The following ANKAR variants were observed in gnomAD, a reference collection of about 807,000 sequenced individuals.
The protein encoded by ANKAR is ankyrin and armadillo repeat-containing protein.
ANKAR carries 136 observed loss-of-function variants against 146.2 expected under a neutral mutation model. That is an observed-to-expected ratio of 0.93 (90% CI 0.81 to 1.07). ANKAR has a LOEUF of 1.07. Among genes scored for constraint, ANKAR ranks in the 50% least tolerant of loss-of-function variants. The probability of loss-of-function intolerance (pLI) is 0.00; values close to 1 mark genes in which losing one functional copy is unlikely to be tolerated. For synonymous variants in ANKAR, 500 were observed against 575.8 expected (o/e 0.87, Z 1.88); for missense variants, 1,567 against 1,679.9 (o/e 0.93, Z 1.18).
chr2:189,702,448 A>G (rs1347318086), intron 7 of ANKAR, among the ~76,000 whole-genome samples: 1 of 152,200 alleles, frequency 6.6e-6, no homozygotes, highest in Non-Finnish European at 1.5e-5. Flanking sequence ...TTCTTACTCC[A>G]GTAATGATTC....
At position 189,718,750 on chromosome 2, in the gene ANKAR, T is replaced by C. The variant is rs572961628; in HGVS notation, c.2225-822T>C. On this transcript the variant is annotated intron_variant, in intron 10 of 22. Transcript: ENST00000684021. The stretch of plus-strand genomic sequence containing the variant: ...GAAGCCAGATTTTCTATTTTCTTTT[T>C]TTTTTTTTTTGAGACGGAGTCTCGC... 5.3e-5 allele frequency among the ~76,000 whole-genome samples: 8 copies of C among 150,240 alleles called. No individual in the cohort carries two copies. In the South Asian group the frequency reaches 1.5e-3, roughly 28 times the overall value.
At chr2:189,713,316 T>A (rs1429227280) in intron 10 of ANKAR, among the ~76,000 whole-genome samples, 1 of 152,004 alleles carries the variant, frequency 6.6e-6, no homozygotes, top group Admixed American at 6.6e-5. Context: ...CACATAATTG[T>A]CAGATTCACC....
At chr2:189,697,894 G>A (rs1450194328) in intron 7 of ANKAR, among the ~76,000 whole-genome samples, 4 of 3,644 alleles carry the variant, frequency 1.1e-3, no homozygotes, top group Non-Finnish European at 0.018. Flanking sequence ...CTTTTAATGC[G>A]TTGTCAGGTT....
intron 7 of ANKAR, among the ~76,000 whole-genome samples, chr2:189,699,500 T>C (rs1449047665): frequency 3.3e-5 from 5 of 152,228 alleles, no homozygotes; most frequent in Admixed American, 2.0e-4. Flanking sequence ...TACCTTATAA[T>C]AACAACATAT....
chr2:189,714,757 T>C (rs1239463783), intron 10 of ANKAR, among the ~76,000 whole-genome samples: 1 of 151,466 alleles, frequency 6.6e-6, no homozygotes, highest in Non-Finnish European at 1.5e-5. Flanking sequence ...CAATCCTGGC[T>C]AACACAGTGA....
rs1051442846 is a variant in ANKAR at position 189,711,225 on chromosome 2, T to A, written c.2224+72T>A. On this transcript the variant is annotated intron_variant, in intron 10 of 22. Coordinates refer to ENST00000684021, the MANE Select transcript of ANKAR (RefSeq NM_001378068.1). Reference sequence around the variant, plus strand: ...CTATATTTTATTCATCAGTCATTTTTAAATATATTTTTAATTGTAAAGGAA... The same window carrying A: ...CTATATTTTATTCATCAGTCATTTTAAAATATATTTTTAATTGTAAAGGAA... The A allele has an allele frequency of 4.4e-5, 51 of 1,168,208 alleles. No individual in the cohort carries two copies. The Admixed American group carries it at 9.9e-4, about 23-fold the overall frequency. 72.4% of individuals were successfully genotyped at this position (1,168,208 alleles called of 1,614,324 possible). A position where few individuals can be genotyped will look rare whatever the true frequency, so the allele number is the denominator to read the frequency against.
chr2:189,692,893 C>T, intron 4 of ANKAR, 181 bp from the exon 5 acceptor site: 2 of 381,556 alleles, frequency 5.2e-6, no homozygotes, highest in South Asian at 6.6e-5. Context: ...TGTGTCTTTC[C>T]TTTTGTATTT....
intron 2 of ANKAR, among the ~76,000 whole-genome samples, chr2:189,681,990 C>T (rs2034767806): frequency 1.3e-5 from 2 of 152,156 alleles, no homozygotes; most frequent in South Asian, 4.1e-4. Flanking sequence ...CTGCTCTCTG[C>T]CTCAAACCTT....
chr2:189,706,711 T>C (rs1332533083), intron 8 of ANKAR, among the ~76,000 whole-genome samples: 1 of 152,124 alleles, frequency 6.6e-6, no homozygotes, highest in East Asian at 1.9e-4. Flanking sequence ...TCCAAACAAA[T>C]TATAAGGCAT....
Position 189,676,773 on chromosome 2 carries a change from T to TTAGA in ANKAR, c.284_287dup (p.Tyr97ArgfsTer3). ...GACTCCCGTGGACCCTACTGCCCTC[T>TTAGA]TAGACTATAGAGAGGTCCATCAAAT... On this transcript the variant is annotated frameshift_variant, in exon 2 of 23. Coordinates refer to ENST00000684021, the MANE Select transcript of ANKAR (RefSeq NM_001378068.1). LOFTEE classifies it high-confidence loss of function. 1.2e-6 allele frequency: 2 copies of TTAGA among 1,614,196 alleles called. No individual in the cohort carries two copies. Among genetic ancestry groups the TTAGA allele is most frequent in the Non-Finnish European group, 1.7e-6 (2 of 1,180,036 alleles).
At chr2:189,712,944 T>C (rs1372256950) in intron 10 of ANKAR, among the ~76,000 whole-genome samples, 1 of 152,142 alleles carries the variant, frequency 6.6e-6, no homozygotes, top group Non-Finnish European at 1.5e-5. Flanking sequence ...CAGATGGAGC[T>C]GAAAACCATG....
rs751279086 is a variant in ANKAR at position 189,695,162 on chromosome 2, G to T, written c.1488+1G>T. 3.8e-6 allele frequency: 6 copies of T among 1,596,216 alleles called. No individual in the cohort carries two copies. Among genetic ancestry groups the T allele is most frequent in the Non-Finnish European group, 5.1e-6 (6 of 1,172,896 alleles). ...TTTCAAAAGAGCTATGAAATGCAAG[G>T]TATTTCAGTGACTACCACATAATTT... On this transcript the variant is annotated splice_donor_variant, in intron 6 of 22. Transcript: ENST00000684021. LOFTEE classifies it high-confidence loss of function.
At chr2:189,706,585 G>T (rs2038982669) in intron 8 of ANKAR, among the ~76,000 whole-genome samples, 1 of 152,208 alleles carries the variant, frequency 6.6e-6, no homozygotes, top group Non-Finnish European at 1.5e-5. Context: ...CTGAGCCTCA[G>T]TTACATGATT....
downstream of ANKAR, among the ~76,000 whole-genome samples, chr2:189,748,631 C>T (rs1057250527): frequency 7.9e-5 from 12 of 152,082 alleles, no homozygotes; most frequent in South Asian, 2.1e-3. Flanking sequence ...ATAGGAAATG[C>T]GGAGGGAAAT....
intron 16 of ANKAR, among the ~76,000 whole-genome samples, chr2:189,732,626 A>C (rs1303420224): frequency 7.8e-6 from 1 of 128,638 alleles, no homozygotes; most frequent in African/African-American, 2.9e-5. Flanking sequence ...ATGCCATTGT[A>C]CTCCAGCCTG....
At chr2:189,726,749 T>C (rs1159734945) in intron 12 of ANKAR, among the ~76,000 whole-genome samples, 1 of 152,126 alleles carries the variant, frequency 6.6e-6, no homozygotes, top group Non-Finnish European at 1.5e-5. Context: ...CATCTACTAA[T>C]TGCCTTGTAG....
At chr2:189,675,792 A>G (rs2033522339) in intron 1 of ANKAR, among the ~76,000 whole-genome samples, 3 of 152,032 alleles carry the variant, frequency 2.0e-5, no homozygotes, top group South Asian at 2.1e-4. Flanking sequence ...GCTTGGTGCG[A>G]GGTGTTTGGA....
intron 16 of ANKAR, among the ~76,000 whole-genome samples, chr2:189,731,376 CTT>C (rs71023714): frequency 2.2e-5 from 3 of 137,376 alleles, no homozygotes; most frequent in Non-Finnish European, 3.1e-5. Flanking sequence ...TTTCTTTTTT[CTT>C]TTTTTTTTTT....
At chr2:189,735,392 T>C (rs1465239264) in intron 17 of ANKAR, among the ~76,000 whole-genome samples, 2 of 152,220 alleles carry the variant, frequency 1.3e-5, no homozygotes, top group Non-Finnish European at 2.9e-5. Flanking sequence ...AAGTTAAAAG[T>C]CCTCCAGGGT....
Sources: allele counts gnomAD v4.1 joint callset (sites outside exome capture counted in the v4.1 genomes callset), GRCh38; gene constraint gnomAD v4.1.1; transcripts MANE v1.5; gene names NCBI Gene and HGNC (gene_info 2026-07-23, HGNC 2026-07-21).